Variants in BMP6 observed in about 807,000 individuals in gnomAD.
BMP6 encodes the protein bone morphogenetic protein 6.
In BMP6, 17 loss-of-function variants were observed where a neutral mutation model predicts 54.1. The observed-to-expected ratio is 0.31, with a 90% CI of 0.22 to 0.47. BMP6 has a LOEUF of 0.47. Ranked by LOEUF, BMP6 falls within the 20% of genes least tolerant of loss-of-function variation. The pLI is 1.00. For synonymous variants in BMP6, 328 were observed against 291.2 expected (o/e 1.13, Z -1.28); for missense variants, 720 against 690.4 (o/e 1.04, Z -0.48).
intron 1 of BMP6, among the ~76,000 whole-genome samples, chr6:7,813,540 G>T (rs183672250): frequency 3.4e-5 from 5 of 148,086 alleles, no homozygotes; most frequent in Admixed American, 3.4e-4. Flanking sequence ...CTACTAGGGA[G>T]GCTGAGGTGG....
rs549374700 is a variant in BMP6 at position 7,726,534 on chromosome 6, C to A, written c.-422C>A. Among the ~76,000 whole-genome samples the A allele has an allele frequency of 2.6e-5, 4 of 152,270 alleles. No individual in the cohort carries two copies. In the South Asian group the frequency reaches 8.3e-4, roughly 32 times the overall value. On this transcript the variant is annotated 5_prime_UTR_variant, in exon 1 of 7. Transcript: ENST00000283147. ...TCGTGAGCGGCCCCGCTCCCCGCTGCCCCGGGTCCCACTCAGTCGCCAGGG... is the reference window on the plus strand; with the variant it reads ...TCGTGAGCGGCCCCGCTCCCCGCTGACCCGGGTCCCACTCAGTCGCCAGGG...
At chr6:7,817,648 C>A (rs9502652) in intron 1 of BMP6, among the ~76,000 whole-genome samples, 3,033 of 151,794 alleles carry the variant, frequency 0.02, 100 homozygotes, top group African/African-American at 0.068. Flanking sequence ...GGGTGCAGCA[C>A]ACCAACATGG....
chr6:7,758,867 C>T (rs138805216), intron 1 of BMP6, among the ~76,000 whole-genome samples: 7 of 152,302 alleles, frequency 4.6e-5, no homozygotes, highest in African/African-American at 1.2e-4. Flanking sequence ...CCCTTGTCCA[C>T]GGATGCATTT....
At chr6:7,787,530 T>A (rs1293803331) in intron 1 of BMP6, among the ~76,000 whole-genome samples, 1 of 152,224 alleles carries the variant, frequency 6.6e-6, no homozygotes, top group Non-Finnish European at 1.5e-5. Flanking sequence ...CGAAGAGGAA[T>A]CTGTTAGACT....
At position 7,800,430 on chromosome 6, in the gene BMP6, A is replaced by G. The variant is rs143568804; in HGVS notation, c.665-44710A>G. Among the ~76,000 whole-genome samples, 8 of 152,342 alleles carry G rather than the reference A, an allele frequency of 5.3e-5. No individual in the cohort carries two copies. The East Asian group carries it at 1.4e-3, about 26-fold the overall frequency. On this transcript the variant is annotated intron_variant, in intron 1 of 6. Coordinates refer to ENST00000283147, the MANE Select transcript of BMP6 (RefSeq NM_001718.6). ...ACATTAGACCTCACATCTCCTTCAC[A>G]GAATGGCCTTTGTCCCTGTAGCCTG...
chr6:7,806,511 C>T (rs988961116), intron 1 of BMP6, among the ~76,000 whole-genome samples: 14 of 151,932 alleles, frequency 9.2e-5, no homozygotes, highest in Non-Finnish European at 1.2e-4. Flanking sequence ...TTTGTAATTG[C>T]GTGAATGTAT....
chr6:7,855,501 C>T (rs1387360928), intron 2 of BMP6, among the ~76,000 whole-genome samples: 2 of 147,726 alleles, frequency 1.4e-5, no homozygotes, highest in Non-Finnish European at 3.0e-5. Context: ...TCTGCCCTTG[C>T]TGGCTGTGTG....
At chr6:7,784,477 A>C (rs937323975) in intron 1 of BMP6, among the ~76,000 whole-genome samples, 3 of 152,152 alleles carry the variant, frequency 2.0e-5, no homozygotes, top group Non-Finnish European at 1.5e-5. Context: ...GGATCACGTG[A>C]TAGTAAAGTG....
intron 1 of BMP6, among the ~76,000 whole-genome samples, chr6:7,736,137 G>A (rs1464177936): frequency 6.6e-6 from 1 of 151,958 alleles, no homozygotes; most frequent in Admixed American, 6.6e-5. Flanking sequence ...TTCTTTCTTT[G>A]TTTTTAAGTC....
rs536814074 is a variant in BMP6 at position 7,787,967 on chromosome 6, G to A, written c.665-57173G>A. 1.8e-3 allele frequency among the ~76,000 whole-genome samples: 276 copies of A among 151,878 alleles called. 1 individual carries two copies. Among genetic ancestry groups the A allele is most frequent in the African/African-American group, 6.3e-3 (259 of 41,414 alleles). ...GATTGATTTTTTTTTTTAAAGAAAC[G>A]CAAGTCATTTTGATGAAACGATCAA... is the stretch of plus-strand genomic sequence containing the variant. On this transcript the variant is annotated intron_variant, in intron 1 of 6. Coordinates refer to ENST00000283147, the MANE Select transcript of BMP6 (RefSeq NM_001718.6).
At chr6:7,735,722 C>T (rs1332640142) in intron 1 of BMP6, among the ~76,000 whole-genome samples, 1 of 152,124 alleles carries the variant, frequency 6.6e-6, no homozygotes, top group African/African-American at 2.4e-5. Context: ...ATCTTTGTTG[C>T]AATTGATGAA....
At chr6:7,800,315 GGA>G (rs1299185931) in intron 1 of BMP6, among the ~76,000 whole-genome samples, 1 of 152,126 alleles carries the variant, frequency 6.6e-6, no homozygotes, top group African/African-American at 2.4e-5. Flanking sequence ...GAACTCTTAT[GGA>G]GAGAGCTTTT....
chr6:7,826,064 C>T (rs1758692895), intron 1 of BMP6, among the ~76,000 whole-genome samples: 1 of 152,210 alleles, frequency 6.6e-6, no homozygotes, highest in African/African-American at 2.4e-5. Flanking sequence ...GAAGTGGGCT[C>T]CGGGTACCCT....
In BMP6 at chr6:7,854,449, T is replaced by C. The variant is rs535819318; in HGVS notation, c.858-7002T>C. On this transcript the variant is annotated intron_variant, in intron 2 of 6. Transcript: ENST00000283147. ...CCCACCTTGGACGGGAATGTGGAAA[T>C]GTAGGGTTGGTGATGAGAACTAAAA... 7.9e-5 allele frequency among the ~76,000 whole-genome samples: 12 copies of C among 152,076 alleles called. No individual in the cohort carries two copies. The South Asian group carries it at 2.5e-3, about 32-fold the overall frequency.
intron 1 of BMP6, among the ~76,000 whole-genome samples, chr6:7,782,430 C>G (rs1757961412): frequency 6.6e-6 from 1 of 152,020 alleles, no homozygotes; most frequent in Admixed American, 6.6e-5. Flanking sequence ...ACTGAAGCAG[C>G]CCAGGCACGG....
rs139218841 is a variant in BMP6 at position 7,861,552 on chromosome 6, C to T, written c.959C>T (p.Thr320Ile). 90 of 1,614,066 alleles carry T rather than the reference C, an allele frequency of 5.6e-5. No individual in the cohort carries two copies. The highest frequency in any genetic ancestry group is 5.3e-5 in the Non-Finnish European group (63 of 1,180,042). ...GCCACTAGCAATCTGTGGGTTGTGACTCCACAGCATAACATGGGGCTTCAG... is the reference window on the plus strand; with the variant it reads ...GCCACTAGCAATCTGTGGGTTGTGATTCCACAGCATAACATGGGGCTTCAG... Reference protein sequence around the residue: ...ITATSNLWVVTPQHNMGLQLS... With the variant: ...ITATSNLWVVIPQHNMGLQLS... Residue 320 changes from threonine to isoleucine, a missense_variant, in exon 3 of 7, where the codon ACT becomes ATT. Thr to Ile is a moderately conservative substitution (Grantham distance 89). Around this residue, in one of 3 missense-constraint regions of BMP6, gnomAD observed 650 missense variants for 556.3 expected, o/e 1.17. Coordinates refer to ENST00000283147, the MANE Select transcript of BMP6 (RefSeq NM_001718.6).
chr6:7,802,687 C>T (rs1042687934), intron 1 of BMP6, among the ~76,000 whole-genome samples: 18 of 152,168 alleles, frequency 1.2e-4, no homozygotes, highest in Admixed American at 5.9e-4. Context: ...CTGAGCAGGT[C>T]ACTGAAAGGA....
intron 4 of BMP6, among the ~76,000 whole-genome samples, chr6:7,877,454 T>C (rs868702701): frequency 7.2e-5 from 11 of 152,178 alleles, no homozygotes; most frequent in Middle Eastern, 6.8e-3. Flanking sequence ...AAACCCCATC[T>C]CTACTAAAAA....
In BMP6 at chr6:7,881,191, A is replaced by G. The variant is rs1440491497; in HGVS notation, c.*848A>G. ...TCTCTGCCTTTTTACTATACAGCAT[A>G]CCACGCCACAGGGTTAGAACCAACG... is the stretch of plus-strand genomic sequence containing the variant. On this transcript the variant is annotated 3_prime_UTR_variant, in exon 7 of 7. Coordinates refer to ENST00000283147, the MANE Select transcript of BMP6 (RefSeq NM_001718.6). 6.6e-6 allele frequency: 1 copy of G among 152,552 alleles called. No homozygotes were observed. Among genetic ancestry groups the G allele is most frequent in the Non-Finnish European group, 1.5e-5 (1 of 68,046 alleles). The allele number at this position is 152,552 out of a possible 1,614,324, so 9.4% of individuals were successfully genotyped here.
Sources: allele counts gnomAD v4.1 joint callset (sites outside exome capture counted in the v4.1 genomes callset), GRCh38; gene constraint gnomAD v4.1.1; regional missense constraint gnomAD v4.1.1; transcripts MANE v1.5; gene names NCBI Gene and HGNC (gene_info 2026-07-23, HGNC 2026-07-21).